RPTOR: variants seen among roughly 807,000 people sequenced by gnomAD.
RPTOR encodes regulatory-associated protein of mTOR.
RPTOR carries 21 observed loss-of-function variants against 169.9 expected under a neutral mutation model. The observed-to-expected ratio is 0.12, with a 90% CI of 0.09 to 0.18. The LOEUF (loss-of-function observed/expected upper bound fraction) is 0.18. Among genes scored for constraint, RPTOR ranks in the 10% least tolerant of loss-of-function variants. RPTOR has a pLI of 1.00. For synonymous variants in RPTOR, 732 were observed against 753.2 expected, an observed-to-expected ratio of 0.97 and a Z score of 0.46; for missense variants, 1,133 against 1,855.9, an observed-to-expected ratio of 0.61 and a Z score of 7.16.
Position 80,960,348 on chromosome 17 carries a change from G to A in RPTOR, c.3605+143G>A. ...CAGGAGCCTGCAGTGGCGTATTTAG[G>A]CCAGTCCTGGGCTCCCCAAAGCCGC... is the stretch of plus-strand genomic sequence containing the variant. On this transcript the variant is annotated intron_variant, in intron 30 of 33. Coordinates refer to ENST00000306801, the MANE Select transcript of RPTOR (RefSeq NM_020761.3). This position sits in a 1 kb window ranked among gnomAD's most constrained non-coding sequence, Gnocchi z 4.8. 8.5e-7 allele frequency: 1 copy of A among 1,176,244 alleles called. No individual in the cohort carries two copies. Among genetic ancestry groups the A allele is most frequent in the Non-Finnish European group, 1.2e-6 (1 of 837,040 alleles). 72.9% of individuals were successfully genotyped at this position (1,176,244 alleles called of 1,614,324 possible).
At position 80,820,539 on chromosome 17, in the gene RPTOR, G is replaced by A. The variant is rs1263018769; in HGVS notation, c.891-1662G>A. On this transcript the variant is annotated intron_variant, in intron 7 of 33. Coordinates refer to ENST00000306801, the MANE Select transcript of RPTOR (RefSeq NM_020761.3). This position sits in a 1 kb window ranked among gnomAD's most constrained non-coding sequence, Gnocchi z 4.1. Reference sequence around the variant, plus strand: ...TCATAAGGAAATGTCTTCTCTTTGGGAGGTGTGCCCCACCCTCACATTCCT... The same window carrying A: ...TCATAAGGAAATGTCTTCTCTTTGGAAGGTGTGCCCCACCCTCACATTCCT... 6.6e-6 allele frequency among the ~76,000 whole-genome samples: 1 copy of A among 152,178 alleles called. No homozygotes were observed. Among genetic ancestry groups the A allele is most frequent in the African/African-American group, 2.4e-5 (1 of 41,434 alleles).
intron 5 of RPTOR, among the ~76,000 whole-genome samples, chr17:80,749,647 G>C (rs3929295): frequency 0.42 from 64,399 of 151,652 alleles, 14,394 homozygotes; most frequent in Non-Finnish European, 0.49. Flanking sequence ...CAGTTCTCAG[G>C]ACTGGTTAGA....
In RPTOR at chr17:80,892,779, C is replaced by T. The variant is rs2068342381; in HGVS notation, c.2152C>T (p.Arg718Cys). ...VRDSPCTPRL[R>C]SVSSYGNIRA... Reference sequence around the variant, plus strand: ...AGACAGCCCGTGCACCCCCAGACTTCGTTCTGTGAGCTCCTATGGAAACAT... The same window carrying T: ...AGACAGCCCGTGCACCCCCAGACTTTGTTCTGTGAGCTCCTATGGAAACAT... Residue 718 changes from arginine (R) to cysteine (C), a missense_variant, in exon 19 of 34, where the codon CGT becomes TGT. This residue lies in a region of RPTOR where 150 missense variants were observed against 206.4 expected (regional missense o/e 0.73). Transcript: ENST00000306801. 2 of 1,614,202 alleles carry T rather than the reference C, an allele frequency of 1.2e-6. No homozygotes were observed. The highest frequency in any genetic ancestry group is 1.7e-4 in the Middle Eastern group (1 of 6,058).
At chr17:80,852,824 G>A (rs1361324654) in intron 11 of RPTOR, among the ~76,000 whole-genome samples, 3 of 151,808 alleles carry the variant, frequency 2.0e-5, no homozygotes, top group African/African-American at 4.8e-5. Flanking sequence ...CGTGGAAGTC[G>A]TGCTGGCCGA....
At position 80,707,836 on chromosome 17, in the gene RPTOR, A is replaced by G. The variant is rs1325046725; in HGVS notation, c.349-5A>G. 6.2e-7 allele frequency: 1 copy of G among 1,608,226 alleles called. No homozygotes were observed. The highest frequency in any genetic ancestry group is 1.1e-5 in the South Asian group (1 of 90,870). On this transcript the variant is annotated splice_region_variant and splice_polypyrimidine_tract_variant and intron_variant, in intron 3 of 33. Coordinates refer to ENST00000306801, the MANE Select transcript of RPTOR (RefSeq NM_020761.3). The surrounding 1 kb of genome is among the most constrained non-coding windows in gnomAD (Gnocchi z 5.0). ...TAAATTTCTTCATTTCTTCTCCTGC[A>G]ACAGGCCCGGTACAAGCAGAGCCTT...
At chr17:80,561,718 C>T (rs2084498521) in intron 1 of RPTOR, among the ~76,000 whole-genome samples, 2 of 152,144 alleles carry the variant, frequency 1.3e-5, no homozygotes, top group South Asian at 4.1e-4. Flanking sequence ...AGACATGAGC[C>T]ACCGCACCCA....
chr17:80,859,838 T>C lies in RPTOR; in HGVS notation c.1509+1938T>C, dbSNP rs116218485. On this transcript the variant is annotated intron_variant, in intron 13 of 33. Transcript: ENST00000306801. ...TCCTAAGTCCCCTGTGAAGTTAGCT[T>C]GAATTTGCAGCCTATTTACTGGTGA... 5.0e-3 allele frequency among the ~76,000 whole-genome samples: 761 copies of C among 152,332 alleles called. 3 individuals are homozygous for C. The highest frequency in any genetic ancestry group is 0.018 in the African/African-American group (735 of 41,588).
intron 7 of RPTOR, among the ~76,000 whole-genome samples, chr17:80,810,098 A>G: frequency 6.6e-6 from 1 of 151,756 alleles, no homozygotes; most frequent in East Asian, 1.9e-4. Context: ...TAAATAAAAC[A>G]GTCTTTTGAA....
chr17:80,653,503 G>A (rs1254661037), intron 3 of RPTOR, among the ~76,000 whole-genome samples: 2 of 152,220 alleles, frequency 1.3e-5, no homozygotes, highest in Admixed American at 1.3e-4. Flanking sequence ...TTTTCTTAGA[G>A]CTGTGGTCTC....
intron 13 of RPTOR, among the ~76,000 whole-genome samples, chr17:80,865,190 T>A (rs2067972712): frequency 6.6e-6 from 1 of 152,194 alleles, no homozygotes; most frequent in African/African-American, 2.4e-5. Context: ...TACAGTTAAT[T>A]AGCTGACAAC....
intron 1 of RPTOR, among the ~76,000 whole-genome samples, chr17:80,577,479 A>G (rs958376851): frequency 1.3e-5 from 2 of 151,158 alleles, no homozygotes; most frequent in African/African-American, 2.4e-5. Context: ...GGGTCTTCCT[A>G]TGTGGCCCAG....
At chr17:80,778,568 G>C (rs575532869) in intron 6 of RPTOR, among the ~76,000 whole-genome samples, 14 of 152,146 alleles carry the variant, frequency 9.2e-5, no homozygotes, top group African/African-American at 1.4e-4. Flanking sequence ...GGGCCCAGGC[G>C]GGAGGATCAC....
At chr17:80,603,773 T>C (rs993952492) in intron 1 of RPTOR, among the ~76,000 whole-genome samples, 2 of 152,084 alleles carry the variant, frequency 1.3e-5, no homozygotes, top group Non-Finnish European at 2.9e-5. Context: ...GGTAGTGAAA[T>C]GTTGCCAGCC....
rs918292108 is a variant in RPTOR, at chr17:80,707,010, C to T, written c.349-831C>T. Among the ~76,000 whole-genome samples the T allele has an allele frequency of 3.3e-5, 5 of 152,220 alleles. 1 individual carries two copies. In the South Asian group the frequency reaches 1.0e-3, roughly 32 times the overall value. ...ATGGGGTTTTCTTTGCCATGATGTT[C>T]CTTTGTTTATTATTTGTGTATATCA... On this transcript the variant is annotated intron_variant, in intron 3 of 33. Coordinates refer to ENST00000306801, the MANE Select transcript of RPTOR (RefSeq NM_020761.3). This position sits in a 1 kb window ranked among gnomAD's most constrained non-coding sequence, Gnocchi z 5.0.
At chr17:80,656,533 C>G (rs968269581) in intron 3 of RPTOR, among the ~76,000 whole-genome samples, 1 of 152,186 alleles carries the variant, frequency 6.6e-6, no homozygotes, top group East Asian at 1.9e-4. Flanking sequence ...TACACAAAAC[C>G]CTTCTATGTG....
intron 6 of RPTOR, among the ~76,000 whole-genome samples, chr17:80,772,200 C>A (rs1480317533): frequency 6.6e-6 from 1 of 152,196 alleles, no homozygotes; most frequent in Non-Finnish European, 1.5e-5. Flanking sequence ...AATCTGTTCA[C>A]CTGCCTTAAT....
intron 21 of RPTOR, among the ~76,000 whole-genome samples, chr17:80,917,936 G>A (rs1348191164): frequency 6.6e-6 from 1 of 152,156 alleles, no homozygotes; most frequent in Non-Finnish European, 1.5e-5. Flanking sequence ...CAAGCCACGG[G>A]CGTGCACACC....
chr17:80,596,087 C>T (rs530833254), intron 1 of RPTOR, among the ~76,000 whole-genome samples: 31 of 152,314 alleles, frequency 2.0e-4, no homozygotes, highest in East Asian at 1.7e-3. Context: ...AAGAAATGCA[C>T]GTTGGAAAAC....
At chr17:80,585,908 C>G (rs940724484) in intron 1 of RPTOR, among the ~76,000 whole-genome samples, 5 of 151,744 alleles carry the variant, frequency 3.3e-5, no homozygotes, top group African/African-American at 1.2e-4. Flanking sequence ...AGTCTGCTTC[C>G]TTTTATAATT....
Sources: allele counts gnomAD v4.1 joint callset (sites outside exome capture counted in the v4.1 genomes callset), GRCh38; gene constraint gnomAD v4.1.1; regional missense constraint gnomAD v4.1.1; non-coding constraint Gnocchi (gnomAD v3.1); transcripts MANE v1.5; gene names NCBI Gene and HGNC (gene_info 2026-07-23, HGNC 2026-07-21).